ZC2HC1A: variants seen among roughly 807,000 people sequenced by gnomAD.
ZC2HC1A encodes the protein zinc finger C2HC domain-containing protein 1A.
ZC2HC1A carries 28 observed loss-of-function variants against 40.7 expected under a neutral mutation model. That is an observed-to-expected ratio of 0.69 (90% CI 0.51 to 0.94). ZC2HC1A has a LOEUF of 0.94. ZC2HC1A is among the 40% of genes least tolerant of loss of function. ZC2HC1A has a pLI of 0.00. For synonymous variants in ZC2HC1A, 129 were observed against 129.2 expected (o/e 1.00, Z 0.01); for missense variants, 389 against 386.3 (o/e 1.01, Z -0.06).
At chr8:78,715,431 C>T in intron 8 of ZC2HC1A, 103 bp downstream of exon 8, 1 of 1,105,910 alleles carries the variant, frequency 9.0e-7, no homozygotes, top group Non-Finnish European at 1.2e-6. Flanking sequence ...TTATAGAAAA[C>T]CTGATTTTTT....
In ZC2HC1A at chr8:78,717,590, A is replaced by G. The variant is rs1586037747; in HGVS notation, c.*97A>G. On this transcript the variant is annotated 3_prime_UTR_variant, in exon 9 of 9. Transcript: ENST00000263849. ...ATCCTCTAGTTAGTTTGTGCTAAAA[A>G]TACTCGAAATACCATTTCCAGTTAA... 7.7e-7 allele frequency: 1 copy of G among 1,290,762 alleles called. No homozygotes were observed. 80.0% of individuals were successfully genotyped at this position (1,290,762 alleles called of 1,614,324 possible).
chr8:78,701,480 C>T (rs1244087985), intron 7 of ZC2HC1A, among the ~76,000 whole-genome samples: 1 of 152,138 alleles, frequency 6.6e-6, no homozygotes, highest in Non-Finnish European at 1.5e-5. Context: ...TTGGATGCCC[C>T]TTTATTTCTT....
chr8:78,690,458 G>A (rs1487580935), intron 5 of ZC2HC1A, among the ~76,000 whole-genome samples: 3 of 152,036 alleles, frequency 2.0e-5, no homozygotes, highest in South Asian at 2.1e-4. Context: ...TACTTGGGAG[G>A]CTGAGGCAGG....
In ZC2HC1A at chr8:78,673,955, C is replaced by A. The variant is rs578007936; in HGVS notation, c.17-1832C>A. ...TATGCCTTATAGTGATAATAATTTT[C>A]GTTTTTTAAAAAAACATTTTAAACA... On this transcript the variant is annotated intron_variant, in intron 1 of 8. Coordinates refer to ENST00000263849, the MANE Select transcript of ZC2HC1A (RefSeq NM_016010.3). 3.1e-3 allele frequency among the ~76,000 whole-genome samples: 464 copies of A among 151,722 alleles called. 1 individual carries two copies. The highest frequency in any genetic ancestry group is 4.7e-3 in the Non-Finnish European group (321 of 67,892).
intron 2 of ZC2HC1A, among the ~76,000 whole-genome samples, chr8:78,678,352 A>G (rs1448630571): frequency 2.0e-5 from 3 of 152,136 alleles, no homozygotes; most frequent in African/African-American, 7.2e-5. Flanking sequence ...AATTTTTTTT[A>G]GTGAGAAAGA....
intron 1 of ZC2HC1A, among the ~76,000 whole-genome samples, chr8:78,672,696 G>C (rs1175464308): frequency 6.6e-6 from 1 of 152,026 alleles, no homozygotes; most frequent in Non-Finnish European, 1.5e-5. Context: ...AATCAGCTTG[G>C]TTATCCTTAA....
At chr8:78,686,921 C>A (rs1041779047) in intron 4 of ZC2HC1A, among the ~76,000 whole-genome samples, 1 of 151,792 alleles carries the variant, frequency 6.6e-6, no homozygotes, top group Non-Finnish European at 1.5e-5. Flanking sequence ...ATGCTCACTG[C>A]GGATTGAAAT....
At chr8:78,698,317 A>G (rs908308086) in intron 6 of ZC2HC1A, 97 bp from the exon 7 acceptor site, 2 of 1,009,092 alleles carry the variant, frequency 2.0e-6, no homozygotes, top group African/African-American at 1.6e-5. Context: ...TTATAGTTGC[A>G]AAGATTATTA....
intron 7 of ZC2HC1A, among the ~76,000 whole-genome samples, chr8:78,708,708 T>C (rs1810862156): frequency 6.6e-6 from 1 of 150,802 alleles, no homozygotes; most frequent in Admixed American, 6.6e-5. Flanking sequence ...GAGATGGAGT[T>C]TTGCTCTTGT....
intron 1 of ZC2HC1A, 96 bp downstream of exon 1, chr8:78,666,260 G>C: frequency 1.3e-6 from 2 of 1,530,192 alleles, no homozygotes; most frequent in Admixed American, 4.0e-5. Context: ...GGGCTGGTTC[G>C]GTGCGGCGGA....
chr8:78,716,711 G>A (rs1000719095), intron 8 of ZC2HC1A, among the ~76,000 whole-genome samples: 1 of 152,104 alleles, frequency 6.6e-6, no homozygotes, highest in South Asian at 2.1e-4. Context: ...CAGATGGAAA[G>A]CGATGTGGTT....
At position 78,717,665 on chromosome 8, in the gene ZC2HC1A, T is replaced by C; in HGVS notation, c.*172T>C. 1.9e-5 allele frequency: 10 copies of C among 526,968 alleles called. No homozygotes were observed. The highest frequency in any genetic ancestry group is 3.7e-5 in the South Asian group (1 of 27,028). The allele number at this position is 526,968 out of a possible 1,614,324, so 32.6% of individuals were successfully genotyped here. A position where few individuals can be genotyped will look rare whatever the true frequency, so the allele number is the denominator to read the frequency against. On this transcript the variant is annotated 3_prime_UTR_variant, in exon 9 of 9. Coordinates refer to ENST00000263849, the MANE Select transcript of ZC2HC1A (RefSeq NM_016010.3). ...TATAATGTGTGTATGTTTATATGTG[T>C]ACATATACTGTATATAATAAATATC...
chr8:78,683,485 C>T (rs1013686793), intron 3 of ZC2HC1A, among the ~76,000 whole-genome samples: 20 of 152,174 alleles, frequency 1.3e-4, no homozygotes, highest in African/African-American at 4.3e-4. Flanking sequence ...TACCTTGGCC[C>T]CTTTTAGCCA....
chr8:78,713,557 A>G (rs1326957161), intron 7 of ZC2HC1A, among the ~76,000 whole-genome samples: 1 of 152,162 alleles, frequency 6.6e-6, no homozygotes, highest in Non-Finnish European at 1.5e-5. Flanking sequence ...TAGTAGTTCT[A>G]CAACATCCCC....
chr8:78,689,210 T>G lies in ZC2HC1A; in HGVS notation c.353-12T>G, dbSNP rs1810126406. On this transcript the variant is annotated splice_polypyrimidine_tract_variant and intron_variant, in intron 4 of 8. Transcript: ENST00000263849. ...TATGCTATTAATCTGTTTCCGTTTT[T>G]ATCTGTTATAGATTATATTCAATGT... 2.0e-6 allele frequency: 3 copies of G among 1,465,124 alleles called. No homozygotes were observed. The South Asian group carries it at 4.7e-5, about 23-fold the overall frequency. The allele number at this position is 1,465,124 out of a possible 1,614,324, so 90.8% of individuals were successfully genotyped here. A position where few individuals can be genotyped will look rare whatever the true frequency, so the allele number is the denominator to read the frequency against.
At chr8:78,713,119 A>G (rs1003892608) in intron 7 of ZC2HC1A, among the ~76,000 whole-genome samples, 1 of 152,146 alleles carries the variant, frequency 6.6e-6, no homozygotes, top group Non-Finnish European at 1.5e-5. Flanking sequence ...TACAATTCCA[A>G]AATTAAACCT....
At chr8:78,669,967 CTTTCTTTTTTT>C in intron 1 of ZC2HC1A, among the ~76,000 whole-genome samples, 1 of 123,038 alleles carries the variant, frequency 8.1e-6, no homozygotes, top group Non-Finnish European at 1.6e-5. Context: ...TTCTTTCTTT[CTTTCTTTTTTT>C]TTTTTTGATA....
At chr8:78,686,669 A>G (rs1465100419) in intron 4 of ZC2HC1A, 61 bp downstream of exon 4, 2 of 1,383,392 alleles carry the variant, frequency 1.4e-6, no homozygotes, top group African/African-American at 1.5e-5. Context: ...TAGAGTTTTT[A>G]TAAATTTTCA....
chr8:78,686,453 T>G lies in ZC2HC1A; in HGVS notation c.211-14T>G. 3 of 1,359,194 alleles carry G rather than the reference T, an allele frequency of 2.2e-6. No homozygotes were observed. Among genetic ancestry groups the G allele is most frequent in the Non-Finnish European group, 2.9e-6 (3 of 1,043,808 alleles). 84.2% of individuals were successfully genotyped at this position (1,359,194 alleles called of 1,614,324 possible). On this transcript the variant is annotated splice_polypyrimidine_tract_variant and intron_variant, in intron 3 of 8. Coordinates refer to ENST00000263849, the MANE Select transcript of ZC2HC1A (RefSeq NM_016010.3). ...TTTGTTTATTTATTTATTTATTTAT[T>G]TATTTATTTATAGCCAGAACCACCA...
Sources: gnomAD v4.1 joint callset for allele counts (sites outside exome capture counted in the v4.1 genomes callset) on GRCh38, gnomAD v4.1.1 for gene constraint, MANE v1.5 for transcripts, NCBI Gene and HGNC (gene_info 2026-07-23, HGNC 2026-07-21) for gene names.